The following CKAP2 variants were observed in gnomAD, a reference collection of about 807,000 sequenced individuals.
CKAP2 encodes the protein cytoskeleton associated protein 2, also known as cytoskeleton-associated protein 2.
A neutral mutation model predicts 58.4 loss-of-function variants in CKAP2; 46 were observed. The observed-to-expected ratio is 0.79, with a 90% CI of 0.62 to 1.01. CKAP2 has a LOEUF of 1.01. Ranked by LOEUF, CKAP2 falls within the 50% of genes least tolerant of loss-of-function variation. CKAP2 has a pLI of 0.00. For missense variants in CKAP2, 809 were observed against 796.4 expected, an observed-to-expected ratio of 1.02 and a Z score of -0.19; for synonymous variants, 293 against 280.9, an observed-to-expected ratio of 1.04 and a Z score of -0.43.
chr13:52,456,489 AT>A (rs1483264024), intron 1 of CKAP2, 33 bp from the exon 2 acceptor site: 1 of 1,463,940 alleles, frequency 6.8e-7, no homozygotes, highest in African/African-American at 1.4e-5. Context: ...GTTTTAACTA[AT>A]ATTGACTTGT....
intron 6 of CKAP2, among the ~76,000 whole-genome samples, chr13:52,466,850 C>T (rs751747251): frequency 1.2e-4 from 18 of 151,986 alleles, no homozygotes; most frequent in Non-Finnish European, 2.1e-4. Flanking sequence ...AATCCCAACA[C>T]GTTGGGAAGC....
At position 52,461,813 on chromosome 13, in the gene CKAP2, T is replaced by A. The variant is rs373047177; in HGVS notation, c.987T>A (p.Ser329=). 8 of 1,614,002 alleles carry A rather than the reference T, an allele frequency of 5.0e-6. No homozygotes were observed. The highest frequency in any genetic ancestry group is 1.7e-5 in the Admixed American group (1 of 60,000). ...SEVIARPASL[S]NDKLMEKSEP... is the part of the protein sequence containing the mutation. The stretch of plus-strand genomic sequence containing the variant: ...TTATAGCCAGGCCTGCTTCATTGTC[T>A]AATGATAAACTGATGGAAAAGTCAG... Residue 329 remains serine (S), a synonymous_variant, in exon 4 of 9, where the codon TCT becomes TCA. Transcript: ENST00000258607.
intron 2 of CKAP2, among the ~76,000 whole-genome samples, chr13:52,458,845 G>A (rs1594133506): frequency 6.7e-6 from 1 of 149,954 alleles, no homozygotes; most frequent in South Asian, 2.1e-4. Flanking sequence ...TGACAAGAGC[G>A]AGACTTTGTC....
intron 5 of CKAP2, among the ~76,000 whole-genome samples, chr13:52,463,244 A>T (rs1958612360): frequency 6.6e-6 from 1 of 152,178 alleles, no homozygotes; most frequent in Non-Finnish European, 1.5e-5. Flanking sequence ...GGCCTCATTC[A>T]TGTTTTATAT....
chr13:52,466,639 G>A (rs1052946873), intron 6 of CKAP2, among the ~76,000 whole-genome samples: 2 of 152,210 alleles, frequency 1.3e-5, no homozygotes, highest in East Asian at 3.9e-4. Context: ...ACAGCAAGAT[G>A]TAACACCAGA....
rs1566107316 is a variant in CKAP2 at position 52,475,609 on chromosome 13, A to G, written c.*468A>G. On this transcript the variant is annotated 3_prime_UTR_variant, in exon 9 of 9. Transcript: ENST00000258607. Reference sequence around the variant, plus strand: ...CTTTCTCAGATTAGTCAAAAATTCTATAGAATGACTCACTTCGAATACTAA... The same window carrying G: ...CTTTCTCAGATTAGTCAAAAATTCTGTAGAATGACTCACTTCGAATACTAA... 1 of 153,046 alleles carries G rather than the reference A, an allele frequency of 6.5e-6. No homozygotes were observed. Among genetic ancestry groups the G allele is most frequent in the Non-Finnish European group, 1.5e-5 (1 of 68,678 alleles). The allele number at this position is 153,046 out of a possible 1,614,324, so 9.5% of individuals were successfully genotyped here.
In CKAP2 at chr13:52,461,160, ACTGTAGTAATTGACACACAT is replaced by A; in HGVS notation, c.335_354del (p.Thr112LysfsTer3). 6.2e-7 allele frequency: 1 copy of A among 1,613,610 alleles called. No individual in the cohort carries two copies. The highest frequency in any genetic ancestry group is 8.5e-7 in the Non-Finnish European group (1 of 1,179,908). ...ACCTTCAAATGAACTAACCAATTCA[ACTGTAGTAATTGACACACAT>A]AAACCTAAGGATAGTAATCAAACTC... On this transcript the variant is annotated frameshift_variant, in exon 4 of 9. Coordinates refer to ENST00000258607, the MANE Select transcript of CKAP2 (RefSeq NM_018204.5). LOFTEE classifies it high-confidence loss of function.
At chr13:52,457,044 G>A (rs1958497002) in intron 2 of CKAP2, among the ~76,000 whole-genome samples, 1 of 152,024 alleles carries the variant, frequency 6.6e-6, no homozygotes, top group South Asian at 2.1e-4. Flanking sequence ...CTACAGGCAA[G>A]TGCCACCATT....
At chr13:52,456,681 C>CA in intron 2 of CKAP2, 74 bp downstream of exon 2, 2 of 1,153,892 alleles carry the variant, frequency 1.7e-6, no homozygotes, top group South Asian at 2.8e-5. Flanking sequence ...TAAAGTAAGC[C>CA]ATATCTGTAA....
At position 52,475,166 on chromosome 13, in the gene CKAP2, T is replaced by A. The variant is rs201018318; in HGVS notation, c.*25T>A. 2 of 1,602,582 alleles carry A rather than the reference T, an allele frequency of 1.2e-6. No homozygotes were observed. Among genetic ancestry groups the A allele is most frequent in the Admixed American group, 1.7e-5 (1 of 58,112 alleles). Reference sequence around the variant, plus strand: ...AGAGAAATAAAGCTCTGTTAGGGAATGGGGTTTTTATTATTTGTGGGGTGT... The same window carrying A: ...AGAGAAATAAAGCTCTGTTAGGGAAAGGGGTTTTTATTATTTGTGGGGTGT... On this transcript the variant is annotated 3_prime_UTR_variant, in exon 9 of 9. Coordinates refer to ENST00000258607, the MANE Select transcript of CKAP2 (RefSeq NM_018204.5).
At chr13:52,456,743 A>G (rs1315218747) in intron 2 of CKAP2, 136 bp downstream of exon 2, 2 of 654,970 alleles carry the variant, frequency 3.1e-6, no homozygotes, top group Non-Finnish European at 5.3e-6. Flanking sequence ...ATATTATTTT[A>G]CGTCTTTTTG....
At chr13:52,473,210 T>C (rs1161365256) in intron 7 of CKAP2, among the ~76,000 whole-genome samples, 1 of 152,226 alleles carries the variant, frequency 6.6e-6, no homozygotes, top group Non-Finnish European at 1.5e-5. Flanking sequence ...TCCTTTACAT[T>C]GACCAAATTT....
In CKAP2 at chr13:52,474,038, A is replaced by G. The variant is rs773618379; in HGVS notation, c.1756A>G (p.Ser586Gly). 6.2e-7 allele frequency: 1 copy of G among 1,613,944 alleles called. No individual in the cohort carries two copies. The highest frequency in any genetic ancestry group is 1.3e-5 in the African/African-American group (1 of 75,052). ...VKTPNTETRTSCLIKYNVSTT... is the reference protein window; with the variant it reads ...VKTPNTETRTGCLIKYNVSTT... ...AACCCCCAATACAGAAACGAGGACA[A>G]GTTGCTTAATTAAATATAATGTGTC... is the stretch of plus-strand genomic sequence containing the variant. The change falls in exon 8 of 9, where the codon AGT becomes GGT. Residue 586 changes from serine (S) to glycine (G), a missense_variant. Ser to Gly is a moderately conservative substitution (Grantham distance 56, BLOSUM62 0). Around this residue, in one of 3 missense-constraint regions of CKAP2, gnomAD observed 283 missense variants for 287.6 expected, o/e 0.98. Coordinates refer to ENST00000258607, the MANE Select transcript of CKAP2 (RefSeq NM_018204.5).
chr13:52,465,466 G>T lies in CKAP2; in HGVS notation c.1476+1G>T, dbSNP rs748690487. ...GAAAGCCATTCTGGCAGGGGCTCAG[G>T]TAAGATAAAAATTTACTGATCTTTA... is the stretch of plus-strand genomic sequence containing the variant. On this transcript the variant is annotated splice_donor_variant, in intron 6 of 8. Transcript: ENST00000258607. LOFTEE classifies it high-confidence loss of function. 6.2e-7 allele frequency: 1 copy of T among 1,610,742 alleles called. No individual in the cohort carries two copies. Among genetic ancestry groups the T allele is most frequent in the Non-Finnish European group, 8.5e-7 (1 of 1,177,802 alleles).
intron 8 of CKAP2, 73 bp downstream of exon 8, chr13:52,474,157 G>T: frequency 7.1e-7 from 1 of 1,410,338 alleles, no homozygotes; most frequent in African/African-American, 1.4e-5. Context: ...AAAAATCTTT[G>T]AGATAGCTTC....
rs1274208999 is a variant in CKAP2, at chr13:52,455,665, G to C, written c.70+39G>C. On this transcript the variant is annotated intron_variant, in intron 1 of 8. Transcript: ENST00000258607. ...TGGCGGTGGCGGTGGCGGTGGCGGT[G>C]GCGGTGGCGGGCGCGGGCCCGGCGG... The C allele has an allele frequency of 6.5e-6, 4 of 616,152 alleles. No individual in the cohort carries two copies. In the Admixed American group the frequency reaches 1.4e-4, roughly 22 times the overall value. The allele number at this position is 616,152 out of a possible 1,614,324, so 38.2% of individuals were successfully genotyped here. A position where few individuals can be genotyped will look rare whatever the true frequency, so the allele number is the denominator to read the frequency against.
chr13:52,467,191 T>G (rs1958691744), intron 6 of CKAP2, among the ~76,000 whole-genome samples: 1 of 152,040 alleles, frequency 6.6e-6, no homozygotes, highest in Non-Finnish European at 1.5e-5. Flanking sequence ...GACTGTGAAT[T>G]ACACCTTCCC....
rs867895097 is a variant in CKAP2, at chr13:52,476,329, A to G, written c.*1188A>G. 16 of 152,218 alleles carry G rather than the reference A, an allele frequency of 1.1e-4. No homozygotes were observed. Among genetic ancestry groups the G allele is most frequent in the Non-Finnish European group, 1.6e-4 (11 of 68,032 alleles). 9.4% of individuals were successfully genotyped at this position (152,218 alleles called of 1,614,324 possible). A position where few individuals can be genotyped will look rare whatever the true frequency, so the allele number is the denominator to read the frequency against. On this transcript the variant is annotated 3_prime_UTR_variant, in exon 9 of 9. Coordinates refer to ENST00000258607, the MANE Select transcript of CKAP2 (RefSeq NM_018204.5). ...TATTCCGTGTACCTGATATATATAC[A>G]ATTAAAATATCTGTGTAATTATGTT...
In CKAP2 at chr13:52,469,689, C is replaced by A. The variant is rs867484994; in HGVS notation, c.1546+1342C>A. ...TCGGCTCACTGCAAGCTCCGCCTCCCGGGTTCACGCCATTCTCCTGCCTCA... is the reference window on the plus strand; with the variant it reads ...TCGGCTCACTGCAAGCTCCGCCTCCAGGGTTCACGCCATTCTCCTGCCTCA... On this transcript the variant is annotated intron_variant, in intron 7 of 8. Transcript: ENST00000258607. 6.0e-4 allele frequency among the ~76,000 whole-genome samples: 89 copies of A among 149,106 alleles called. 1 individual carries two copies. Among genetic ancestry groups the A allele is most frequent in the African/African-American group, 2.1e-3 (86 of 40,220 alleles).
Sources: allele counts gnomAD v4.1 joint callset (sites outside exome capture counted in the v4.1 genomes callset), GRCh38; gene constraint gnomAD v4.1.1; regional missense constraint gnomAD v4.1.1; transcripts MANE v1.5; gene names NCBI Gene and HGNC (gene_info 2026-07-23, HGNC 2026-07-21).